Variants in CCZ1 observed in about 807,000 individuals in gnomAD.
CCZ1 encodes CCZ1 vacuolar protein trafficking and biogenesis associated, also known as vacuolar fusion protein CCZ1 homolog.
Under a neutral mutation model 57.8 loss-of-function variants are expected in CCZ1, and 19 were observed. That is an observed-to-expected ratio of 0.33 (90% CI 0.23 to 0.48). CCZ1 has a LOEUF of 0.48. Among genes scored for constraint, CCZ1 ranks in the 20% least tolerant of loss-of-function variants. The pLI is 0.99. For missense variants in CCZ1, 200 were observed against 492.0 expected, an observed-to-expected ratio of 0.41 and a Z score of 5.61; for synonymous variants, 81 against 167.0, an observed-to-expected ratio of 0.49 and a Z score of 3.97.
chr7:5,910,534 G>A (rs1432193527), intron 8 of CCZ1, among the ~76,000 whole-genome samples: 1 of 145,974 alleles, frequency 6.9e-6, no homozygotes, highest in African/African-American at 2.5e-5. Flanking sequence ...CACTATGTTG[G>A]CCAGGCTGGT....
At chr7:5,910,650 G>C (rs1562541925) in intron 8 of CCZ1, among the ~76,000 whole-genome samples, 1 of 146,148 alleles carries the variant, frequency 6.8e-6, no homozygotes, top group Non-Finnish European at 1.5e-5. Flanking sequence ...TAAGAGGAGT[G>C]AGTCATTGAG....
chr7:5,904,528 CAAA>C (rs781016146), intron 6 of CCZ1, among the ~76,000 whole-genome samples: 6 of 128,702 alleles, frequency 4.7e-5, no homozygotes, highest in African/African-American at 8.9e-5. Flanking sequence ...CTGTCTATAC[CAAA>C]AAAAAAAAAA....
intron 8 of CCZ1, among the ~76,000 whole-genome samples, chr7:5,911,318 C>T (rs1781973965): frequency 6.7e-6 from 1 of 148,946 alleles, no homozygotes; most frequent in African/African-American, 2.5e-5. Flanking sequence ...CGTTCCCTCC[C>T]TCTTGTCCTC....
rs575338684 is a variant in CCZ1 at position 5,912,062 on chromosome 7, G to C, written c.842+140G>C. The C allele has an allele frequency of 7.1e-6, 11 of 1,557,206 alleles. 1 individual carries two copies. The highest frequency in any genetic ancestry group is 2.8e-5 in the African/African-American group (2 of 70,540). On this transcript the variant is annotated intron_variant, in intron 9 of 14. Transcript: ENST00000325974. The stretch of plus-strand genomic sequence containing the variant: ...TCCGCCTCCCCGGGCTCAAGTGACT[G>C]TCATGCCTCAGCCTCCCAAGTAGCT...
chr7:5,909,949 A>T (rs1465113257), intron 7 of CCZ1, 86 bp from the exon 8 acceptor site: 4 of 1,197,438 alleles, frequency 3.3e-6, no homozygotes, highest in Non-Finnish European at 4.7e-6. Flanking sequence ...TGAAAAAAAA[A>T]TTTTTGTTTA....
At chr7:5,924,568 CAT>C (rs1206981554) in intron 14 of CCZ1, among the ~76,000 whole-genome samples, 1 of 132,958 alleles carries the variant, frequency 7.5e-6, no homozygotes, top group Non-Finnish European at 1.7e-5. Flanking sequence ...GTGATAAAAA[CAT>C]ATCTTTTGTA....
At chr7:5,909,106 CT>C (rs10645268) in intron 7 of CCZ1, among the ~76,000 whole-genome samples, 46,854 of 140,460 alleles carry the variant, frequency 0.33, 7,923 homozygotes, top group Admixed American at 0.47. Flanking sequence ...TCCCTTGTGA[CT>C]TTTTTTTTTT....
intron 1 of CCZ1, among the ~76,000 whole-genome samples, chr7:5,899,734 C>G (rs1309956957): frequency 8.6e-5 from 13 of 151,168 alleles, no homozygotes; most frequent in Non-Finnish European, 1.5e-4. Context: ...CGCCACTGCA[C>G]TACAGCCTGG....
Position 5,908,249 on chromosome 7 carries a change from G to C in CCZ1, c.699-1786G>C, listed in dbSNP as rs11973078. Among the ~76,000 whole-genome samples, 1,387 of 139,724 alleles carry C rather than the reference G, an allele frequency of 9.9e-3. 12 individuals carry two copies. The highest frequency in any genetic ancestry group is 0.028 in the South Asian group (116 of 4,110). The allele number at this position is 139,724 out of a possible 152,430, so 91.7% of individuals were successfully genotyped here. On this transcript the variant is annotated intron_variant, in intron 7 of 14. Coordinates refer to ENST00000325974, the MANE Select transcript of CCZ1 (RefSeq NM_015622.6). ...GGAGGAGGAGGCAGAAGGATCGCTT[G>C]AGCCAGGAGTTACTTGGAGACCAGC...
At chr7:5,921,848 GT>G (rs369126119) in intron 12 of CCZ1, among the ~76,000 whole-genome samples, 19,599 of 133,654 alleles carry the variant, frequency 0.15, 9 homozygotes, top group South Asian at 0.28. Context: ...CACCTGTTTT[GT>G]TTTTTTGTGG....
intron 7 of CCZ1, among the ~76,000 whole-genome samples, chr7:5,905,872 T>TC (rs1458611814): frequency 1.8e-5 from 2 of 111,326 alleles, no homozygotes; most frequent in Non-Finnish European, 3.7e-5. Context: ...TTTTTTTTTT[T>TC]CTGAAATGAT....
At position 5,910,131 on chromosome 7, in the gene CCZ1, A is replaced by G. The variant is rs1279975200; in HGVS notation, c.780+15A>G. The G allele has an allele frequency of 7.6e-6, 12 of 1,586,594 alleles. 1 individual carries two copies. The East Asian group carries it at 1.4e-4, about 18-fold the overall frequency. On this transcript the variant is annotated intron_variant, in intron 8 of 14. Transcript: ENST00000325974. Reference sequence around the variant, plus strand: ...TCGAACCTGAGGTATGATGGGTACCATAGCTGCGCACAATTACATGCAGGG... The same window carrying G: ...TCGAACCTGAGGTATGATGGGTACCGTAGCTGCGCACAATTACATGCAGGG...
Position 5,912,699 on chromosome 7 carries a change from C to A in CCZ1, c.843-144C>A, listed in dbSNP as rs894560212. 10 of 928,418 alleles carry A rather than the reference C, an allele frequency of 1.1e-5. 1 individual carries two copies. The South Asian group carries it at 1.4e-4, about 13-fold the overall frequency. The allele number at this position is 928,418 out of a possible 1,614,324, so 57.5% of individuals were successfully genotyped here. A position where few individuals can be genotyped will look rare whatever the true frequency, so the allele number is the denominator to read the frequency against. ...ACAGGCATGAGCCACCACGCCCAGCCAGCATATTCTGATATGGTGTTTGCC... is the reference window on the plus strand; with the variant it reads ...ACAGGCATGAGCCACCACGCCCAGCAAGCATATTCTGATATGGTGTTTGCC... On this transcript the variant is annotated intron_variant, in intron 9 of 14. Transcript: ENST00000325974.
chr7:5,909,341 C>G (rs1204819310), intron 7 of CCZ1, among the ~76,000 whole-genome samples: 4 of 150,648 alleles, frequency 2.7e-5, no homozygotes, highest in Admixed American at 6.6e-5. Context: ...TCGGTGGCTG[C>G]AGCAAGCTGT....
chr7:5,915,718 C>CA (rs1484083073), intron 10 of CCZ1, among the ~76,000 whole-genome samples: 2 of 126,960 alleles, frequency 1.6e-5, no homozygotes, highest in Non-Finnish European at 3.4e-5. Context: ...AGAAGTACTA[C>CA]AGGACTCAGA....
At chr7:5,913,054 G>C (rs1779072859) in intron 10 of CCZ1, 100 bp downstream of exon 10, 4 of 1,098,276 alleles carry the variant, frequency 3.6e-6, no homozygotes, top group Non-Finnish European at 5.1e-6. Flanking sequence ...ATGTTTCTTG[G>C]AAAAGATATT....
intron 7 of CCZ1, among the ~76,000 whole-genome samples, chr7:5,909,256 A>G (rs1232770462): frequency 6.7e-6 from 1 of 149,602 alleles, no homozygotes; most frequent in Non-Finnish European, 1.5e-5. Context: ...CTCTTGATAT[A>G]ATGTTAAAGA....
intron 7 of CCZ1, among the ~76,000 whole-genome samples, chr7:5,908,862 C>T (rs1265529748): frequency 6.8e-5 from 10 of 147,412 alleles, no homozygotes; most frequent in African/African-American, 1.0e-4. Context: ...TGTTTTTCTC[C>T]TCCTCCTCTT....
chr7:5,906,541 C>A (rs568032955), intron 7 of CCZ1, among the ~76,000 whole-genome samples: 2 of 147,826 alleles, frequency 1.4e-5, no homozygotes, highest in Non-Finnish European at 1.5e-5. Flanking sequence ...CAGGCTGGTC[C>A]TAAACCCCTG....
Sources: gnomAD v4.1 joint callset for allele counts (sites outside exome capture counted in the v4.1 genomes callset) on GRCh38, gnomAD v4.1.1 for gene constraint, MANE v1.5 for transcripts, NCBI Gene and HGNC (gene_info 2026-07-23, HGNC 2026-07-21) for gene names.